SUMF1: variants seen among roughly 807,000 people sequenced by gnomAD.
SUMF1 encodes formylglycine-generating enzyme.
Under a neutral mutation model 47.6 loss-of-function variants are expected in SUMF1, and 48 were observed. The ratio of observed to expected loss-of-function variants is 1.01; its 90% CI spans 0.80 to 1.28. The LOEUF is 1.28. Among genes scored for constraint, SUMF1 ranks in the 50% most tolerant of loss-of-function variants. The pLI is 0.00. For missense variants in SUMF1, 571 were observed against 485.4 expected, an observed-to-expected ratio of 1.18 and a Z score of -1.66; for synonymous variants, 230 against 192.1, an observed-to-expected ratio of 1.20 and a Z score of -1.63.
At chr3:4,444,643 C>CCCCTGTGTCCT (rs1159447242) in intron 3 of SUMF1, among the ~76,000 whole-genome samples, 3 of 152,250 alleles carry the variant, frequency 2.0e-5, no homozygotes, top group African/African-American at 7.2e-5. Flanking sequence ...AGTCTATCAT[C>CCCCTGTGTCCT]CCCTGTGTCC....
At chr3:4,238,113 T>C (rs888030791) in intron 8 of SUMF1, among the ~76,000 whole-genome samples, 6 of 152,134 alleles carry the variant, frequency 3.9e-5, no homozygotes, top group Non-Finnish European at 8.8e-5. Context: ...CAGAAACTCA[T>C]CCTTTTTATG....
chr3:4,081,689 T>C (rs1692563604), intron 8 of SUMF1, among the ~76,000 whole-genome samples: 1 of 152,138 alleles, frequency 6.6e-6, no homozygotes, highest in Non-Finnish European at 1.5e-5. Context: ...ACCTCTGTCA[T>C]AGGGTTATGA....
At chr3:4,078,002 C>G (rs183169660) in intron 8 of SUMF1, among the ~76,000 whole-genome samples, 1 of 151,968 alleles carries the variant, frequency 6.6e-6, no homozygotes, top group East Asian at 1.9e-4. Flanking sequence ...TGCTTTTAAA[C>G]AAGAGGGCCC....
intron 7 of SUMF1, among the ~76,000 whole-genome samples, chr3:4,381,805 G>C (rs1429911961): frequency 1.3e-5 from 2 of 152,222 alleles, no homozygotes; most frequent in Non-Finnish European, 2.9e-5. Flanking sequence ...AGCACTTTGG[G>C]AGGCCAGTAT....
chr3:4,162,766 C>T (rs1694607684), intron 8 of SUMF1, among the ~76,000 whole-genome samples: 2 of 152,238 alleles, frequency 1.3e-5, no homozygotes, highest in Admixed American at 6.5e-5. Flanking sequence ...GAAGTTAAAA[C>T]CAGGTACTGT....
At chr3:4,280,191 C>T (rs563753131) in intron 8 of SUMF1, among the ~76,000 whole-genome samples, 1 of 152,150 alleles carries the variant, frequency 6.6e-6, no homozygotes, top group South Asian at 2.1e-4. Context: ...TCATGTTGTA[C>T]ATAATATATA....
At chr3:4,092,719 G>T (rs192448009) in intron 8 of SUMF1, among the ~76,000 whole-genome samples, 4 of 151,818 alleles carry the variant, frequency 2.6e-5, no homozygotes, top group Admixed American at 2.6e-4. Flanking sequence ...TGTGTATATC[G>T]GGGGTGGAGT....
chr3:4,129,087 C>A (rs1204998594), intron 8 of SUMF1, among the ~76,000 whole-genome samples: 2 of 152,232 alleles, frequency 1.3e-5, no homozygotes, highest in East Asian at 1.9e-4. Context: ...AGAAGATAAA[C>A]CCTCGACCAA....
In SUMF1 at chr3:4,125,713, C is replaced by T. The variant is rs927445651; in HGVS notation, c.1015-56968G>A. On this transcript the variant is annotated intron_variant and NMD_transcript_variant, in intron 8 of 12. Transcript: ENST00000448413. ...TTTTAGAGACAGGATCTTACTCTGC[C>T]ACCCAGGCTAGAGTGCGGTGGCATG... Among the ~76,000 whole-genome samples the T allele has an allele frequency of 1.3e-5, 2 of 152,098 alleles. 1 individual carries two copies. The highest frequency in any genetic ancestry group is 2.9e-5 in the Non-Finnish European group (2 of 68,032).
intron 2 of SUMF1, 85 bp downstream of exon 2, chr3:4,452,791 G>T: frequency 6.8e-7 from 1 of 1,478,614 alleles, no homozygotes; most frequent in Non-Finnish European, 9.4e-7. Flanking sequence ...CAGTAAAAAT[G>T]GTCAGTCAAT....
At chr3:4,121,660 G>T (rs562236616) in intron 8 of SUMF1, among the ~76,000 whole-genome samples, 3 of 152,100 alleles carry the variant, frequency 2.0e-5, no homozygotes, top group Non-Finnish European at 4.4e-5. Flanking sequence ...CCCAAAAGAA[G>T]TGAAAATAAG....
chr3:4,304,954 C>A (rs556690984), intron 8 of SUMF1, among the ~76,000 whole-genome samples: 1 of 146,614 alleles, frequency 6.8e-6, no homozygotes, highest in African/African-American at 2.6e-5. Context: ...GTTCAGAAGG[C>A]GGGGCAACTC....
In SUMF1 at chr3:4,230,125, G is replaced by C. The variant is rs572210202; in HGVS notation, c.1014+146205C>G. On this transcript the variant is annotated intron_variant and NMD_transcript_variant, in intron 8 of 12. Coordinates refer to the SUMF1 transcript ENST00000448413. ...GCATTACAAATGTGACTTGGTCTGT[G>C]CTGTTTCTACTCACAGCACTTCCAA... 2.0e-5 allele frequency among the ~76,000 whole-genome samples: 3 copies of C among 151,852 alleles called. No homozygotes were observed. The East Asian group carries it at 5.8e-4, about 29-fold the overall frequency.
intron 8 of SUMF1, chr3:4,313,129 AAC>A (rs754628752): frequency 1.1e-5 from 18 of 1,613,870 alleles, no homozygotes; most frequent in Non-Finnish European, 1.4e-5. Flanking sequence ...CCACTGCAGA[AAC>A]AGAGTGGTCC....
At chr3:4,100,737 AT>A (rs2125061178) in intron 8 of SUMF1, among the ~76,000 whole-genome samples, 1 of 152,166 alleles carries the variant, frequency 6.6e-6, no homozygotes, top group East Asian at 1.9e-4. Flanking sequence ...GAGAGAAAAT[AT>A]TTTCAAATCA....
At chr3:4,367,534 C>A (rs918343361) in intron 8 of SUMF1, among the ~76,000 whole-genome samples, 14 of 151,604 alleles carry the variant, frequency 9.2e-5, no homozygotes, top group Non-Finnish European at 7.4e-5. Flanking sequence ...CCAAGTCAAT[C>A]CTAAGCCAAA....
rs144364010 is a variant in SUMF1 at position 4,433,573 on chromosome 3, G to A, written c.520-13427C>T. ...GCCCTTCCCGAATAACTCAGTTACC[G>A]TGAACCCACCTTCACCCTGTTGACG... On this transcript the variant is annotated intron_variant, in intron 3 of 8. Transcript: ENST00000272902. Among the ~76,000 whole-genome samples, 190 of 152,230 alleles carry A rather than the reference G, an allele frequency of 1.2e-3. 1 individual carries two copies. Among genetic ancestry groups the A allele is most frequent in the African/African-American group, 4.4e-3 (181 of 41,542 alleles).
At chr3:4,104,612 G>C (rs1693115046) in intron 8 of SUMF1, among the ~76,000 whole-genome samples, 1 of 152,010 alleles carries the variant, frequency 6.6e-6, no homozygotes, top group Non-Finnish European at 1.5e-5. Context: ...GCCACCTCAG[G>C]TTGGTGTCCT....
chr3:4,458,963 TG>T (rs2079739761), intron 1 of SUMF1, among the ~76,000 whole-genome samples: 1 of 152,182 alleles, frequency 6.6e-6, no homozygotes, highest in African/African-American at 2.4e-5. Context: ...AATGCCTTGA[TG>T]ATCTCACTCA....
Sources: allele counts gnomAD v4.1 joint callset (sites outside exome capture counted in the v4.1 genomes callset), GRCh38; gene constraint gnomAD v4.1.1; transcripts MANE v1.5; gene names NCBI Gene and HGNC (gene_info 2026-07-23, HGNC 2026-07-21).